Variants in C2orf49 observed in about 807,000 individuals in gnomAD.
C2orf49 encodes tRNA splicing ligase complex subunit 2.
In C2orf49, 11 loss-of-function variants were observed where a neutral mutation model predicts 20.6. That is an observed-to-expected ratio of 0.53 (90% CI 0.34 to 0.88). C2orf49 has a LOEUF of 0.88. Ranked by LOEUF, C2orf49 falls within the 40% of genes least tolerant of loss-of-function variation. The pLI, the probability that C2orf49 is intolerant of heterozygous loss-of-function variation, is 0.02. For synonymous variants in C2orf49, 134 were observed against 108.5 expected (o/e 1.24, Z -1.46); for missense variants, 289 against 274.2 (o/e 1.05, Z -0.38).
rs1478756062 is a variant in C2orf49, at chr2:105,347,456, T to G, written c.*2085T>G. The G allele has an allele frequency of 1.3e-5, 2 of 152,374 alleles. No homozygotes were observed. Among genetic ancestry groups the G allele is most frequent in the African/African-American group, 4.8e-5 (2 of 41,584 alleles). 9.4% of individuals were successfully genotyped at this position (152,374 alleles called of 1,614,324 possible). On this transcript the variant is annotated 3_prime_UTR_variant, in exon 4 of 4. Coordinates refer to ENST00000258457, the MANE Select transcript of C2orf49 (RefSeq NM_024093.3). ...CTCAATAAAATTAATATTTTATTTGTATTTTAACTTACAGAGTAGGTTGGT... is the reference window on the plus strand; with the variant it reads ...CTCAATAAAATTAATATTTTATTTGGATTTTAACTTACAGAGTAGGTTGGT...
the C2orf49 span, chr2:105,378,202 A>G: frequency 2.1e-5 from 10 of 470,786 alleles, no homozygotes; most frequent in Non-Finnish European, 3.5e-5. Flanking sequence ...GTTAATATTT[A>G]TGGCACAAAA....
chr2:105,355,005 G>A, the C2orf49 span, among the ~76,000 whole-genome samples: 1 of 152,196 alleles, frequency 6.6e-6, no homozygotes, highest in Non-Finnish European at 1.5e-5. Context: ...ACCCAGAGAA[G>A]CAGGCAATCT....
At chr2:105,350,038 A>C (rs1244511693), downstream of C2orf49, among the ~76,000 whole-genome samples, 2 of 152,176 alleles carry the variant, frequency 1.3e-5, no homozygotes, top group Non-Finnish European at 2.9e-5. Flanking sequence ...CTGGAAATAC[A>C]TGGCTCACCC....
At chr2:105,345,258 T>A in intron 3 of C2orf49, 57 bp from the exon 4 acceptor site, 1 of 1,460,398 alleles carries the variant, frequency 6.8e-7, no homozygotes, top group Non-Finnish European at 9.5e-7. Flanking sequence ...AATGTTCATT[T>A]TAGTTGTTTT....
chr2:105,385,711 A>G, the C2orf49 span, among the ~76,000 whole-genome samples: 1 of 152,214 alleles, frequency 6.6e-6, no homozygotes, highest in Non-Finnish European at 1.5e-5. Flanking sequence ...GGTTGGAACA[A>G]GAGTCTGCTG....
At chr2:105,343,303 C>G in intron 3 of C2orf49, 80 bp downstream of exon 3, 2 of 1,396,452 alleles carry the variant, frequency 1.4e-6, no homozygotes, top group South Asian at 2.9e-5. Flanking sequence ...GGAGGTGGGT[C>G]GACTGTGCTA....
Position 105,337,603 on chromosome 2 carries a change from G to A in C2orf49, c.16G>A (p.Gly6Ser), listed in dbSNP as rs756543807. The A allele has an allele frequency of 1.2e-6, 2 of 1,613,092 alleles. No individual in the cohort carries two copies. Among genetic ancestry groups the A allele is most frequent in the South Asian group, 1.1e-5 (1 of 91,070 alleles). ...GGCGACGACCATGGCGGGGGATGTGGGCGGTCGCAGCTGCACGGACTCGGA... is the reference window on the plus strand; with the variant it reads ...GGCGACGACCATGGCGGGGGATGTGAGCGGTCGCAGCTGCACGGACTCGGA... MAGDV[G>S]GRSCTDSELL... Residue 6 changes from glycine (G) to serine (S), a missense_variant, in exon 1 of 4, where the codon GGC (glycine) becomes AGC (serine). Gly to Ser is a moderately conservative substitution (Grantham distance 56). Coordinates refer to ENST00000258457, the MANE Select transcript of C2orf49 (RefSeq NM_024093.3).
chr2:105,361,463 T>G, the C2orf49 span: 1 of 1,599,252 alleles, frequency 6.3e-7, no homozygotes, highest in Non-Finnish European at 8.5e-7. Flanking sequence ...TAATACCGGA[T>G]GAAGAAAGTT....
Position 105,348,556 on chromosome 2 carries a change from A to G in C2orf49, c.*3185A>G, listed in dbSNP as rs898833376. 1 of 141,506 alleles carries G rather than the reference A, an allele frequency of 7.1e-6. No individual in the cohort carries two copies. Among genetic ancestry groups the G allele is most frequent in the Non-Finnish European group, 1.5e-5 (1 of 64,784 alleles). 8.8% of individuals were successfully genotyped at this position (141,506 alleles called of 1,614,324 possible). A position where few individuals can be genotyped will look rare whatever the true frequency, so the allele number is the denominator to read the frequency against. ...TATATATATATATATATATATATAT[A>G]TGTAAGAGCTTCCTCTATTTACTAC... On this transcript the variant is annotated 3_prime_UTR_variant, in exon 4 of 4. Transcript: ENST00000258457.
the C2orf49 span, among the ~76,000 whole-genome samples, chr2:105,354,287 A>G: frequency 6.6e-6 from 1 of 152,208 alleles, no homozygotes; most frequent in African/African-American, 2.4e-5. Flanking sequence ...TGATTCCCTC[A>G]TCAGTGAAAC....
chr2:105,372,269 A>G, the C2orf49 span, among the ~76,000 whole-genome samples: 2 of 152,190 alleles, frequency 1.3e-5, no homozygotes, highest in African/African-American at 4.8e-5. Flanking sequence ...TCTGTCACCC[A>G]GGCTGGAGTG....
At chr2:105,363,556 G>A in the C2orf49 span, 1 of 1,281,554 alleles carries the variant, frequency 7.8e-7, no homozygotes, top group Non-Finnish European at 1.1e-6. Flanking sequence ...GACGATGCAA[G>A]ATCCTCATCC....
the C2orf49 span, among the ~76,000 whole-genome samples, chr2:105,366,228 A>T: frequency 0.16 from 24,873 of 152,062 alleles, 2,268 homozygotes; most frequent in South Asian, 0.22. Context: ...AAAAAAAAAA[A>T]GGAAATGAGA....
chr2:105,356,206 C>T, the C2orf49 span, among the ~76,000 whole-genome samples: 17 of 152,230 alleles, frequency 1.1e-4, no homozygotes, highest in East Asian at 5.8e-4. Context: ...GCCTGGCCAA[C>T]GTGGTGAAAC....
At chr2:105,375,822 A>C in the C2orf49 span, 1 of 152,196 alleles carries the variant, frequency 6.6e-6, no homozygotes, top group African/African-American at 2.4e-5. Context: ...CTGGGTATGC[A>C]CTGGGAGTTG....
chr2:105,342,829 T>C lies in C2orf49; in HGVS notation c.267-19T>C. 1.9e-6 allele frequency: 3 copies of C among 1,592,624 alleles called. No homozygotes were observed. The highest frequency in any genetic ancestry group is 2.6e-6 in the Non-Finnish European group (3 of 1,166,648). ...CGTTCCAGATGGTATTTTTCAAGAG[T>C]GCATCTCTTTGATTTCAGGAGTAGC... is the stretch of plus-strand genomic sequence containing the variant. On this transcript the variant is annotated intron_variant, in intron 2 of 3. Coordinates refer to ENST00000258457, the MANE Select transcript of C2orf49 (RefSeq NM_024093.3).
the C2orf49 span, chr2:105,373,994 T>C: frequency 2.0e-6 from 1 of 503,672 alleles, no homozygotes; most frequent in Non-Finnish European, 3.6e-6. Flanking sequence ...GAGATGCTTC[T>C]AAAAAACAAA....
the C2orf49 span, chr2:105,362,942 G>A: frequency 7.4e-6 from 2 of 269,172 alleles, no homozygotes; most frequent in Non-Finnish European, 1.4e-5. Flanking sequence ...TAAGAACACA[G>A]CACAGCTGCT....
the C2orf49 span, chr2:105,373,781 T>C: frequency 6.2e-7 from 1 of 1,603,834 alleles, no homozygotes; most frequent in Non-Finnish European, 8.5e-7. Flanking sequence ...ACAGGAGGGC[T>C]TGGACCCACA....
Sources: allele counts gnomAD v4.1 joint callset (sites outside exome capture counted in the v4.1 genomes callset), GRCh38; gene constraint gnomAD v4.1.1; transcripts MANE v1.5; gene names NCBI Gene and HGNC (gene_info 2026-07-23, HGNC 2026-07-21).